Variants in NTM observed in about 807,000 individuals in gnomAD.
NTM encodes neurotrimin.
NTM carries 13 observed loss-of-function variants against 42.1 expected under a neutral mutation model. That is an observed-to-expected ratio of 0.31 (90% CI 0.20 to 0.49). NTM has a LOEUF of 0.49. Ranked by LOEUF, NTM falls within the 20% of genes least tolerant of loss-of-function variation. The pLI, the probability that NTM is intolerant of heterozygous loss-of-function variation, is 0.99. For missense variants in NTM, 373 were observed against 452.8 expected (o/e 0.82, Z 1.60); for synonymous variants, 187 against 179.2 (o/e 1.04, Z -0.35).
intron 2 of NTM, among the ~76,000 whole-genome samples, chr11:132,090,052 A>G (rs1320316297): frequency 1.3e-5 from 2 of 152,160 alleles, no homozygotes; most frequent in Non-Finnish European, 2.9e-5. Context: ...TCCTCACAAT[A>G]TCCTTGGAGG....
chr11:132,327,148 A>G (rs542989336), intron 7 of NTM, among the ~76,000 whole-genome samples: 3 of 152,326 alleles, frequency 2.0e-5, no homozygotes, highest in Non-Finnish European at 2.9e-5. Flanking sequence ...TAAGGACTCA[A>G]GGATGTTCCA....
intron 3 of NTM, among the ~76,000 whole-genome samples, chr11:132,158,516 C>T (rs2073666150): frequency 6.6e-6 from 1 of 152,156 alleles, no homozygotes; most frequent in Admixed American, 6.5e-5. Context: ...TGTTTCAACC[C>T]CTCTAGAACA....
intron 1 of NTM, among the ~76,000 whole-genome samples, chr11:131,500,904 C>T (rs1205273101): frequency 1.4e-5 from 2 of 145,218 alleles, no homozygotes; most frequent in Admixed American, 1.5e-4. Context: ...CATGTCTCTA[C>T]AAAGGACATG....
At chr11:132,082,334 C>T (rs2059180058) in intron 2 of NTM, among the ~76,000 whole-genome samples, 1 of 152,082 alleles carries the variant, frequency 6.6e-6, no homozygotes, top group Non-Finnish European at 1.5e-5. Flanking sequence ...CAGGTTTCCC[C>T]CTCACAAATT....
chr11:131,878,595 ATATATATAT>A lies in NTM; in HGVS notation c.83-32968_83-32960del, dbSNP rs1432870044. ...AAAAAAAAAAAAAAAAAAAAAAAAA[ATATATATAT>A]ATATATATATATATATATATATATA... On this transcript the variant is annotated intron_variant, in intron 1 of 8. Coordinates refer to ENST00000683400, the MANE Select transcript of NTM (RefSeq NM_001352005.2). 7.2e-4 allele frequency among the ~76,000 whole-genome samples: 8 copies of A among 11,150 alleles called. 1 individual carries two copies. Among genetic ancestry groups the A allele is most frequent in the African/African-American group, 2.0e-3 (8 of 3,984 alleles). The allele number at this position is 11,150 out of a possible 152,430, so 7.3% of individuals were successfully genotyped here. A position where few individuals can be genotyped will look rare whatever the true frequency, so the allele number is the denominator to read the frequency against.
intron 1 of NTM, among the ~76,000 whole-genome samples, chr11:131,601,026 T>G (rs1247390172): frequency 6.6e-6 from 1 of 152,220 alleles, no homozygotes; most frequent in Non-Finnish European, 1.5e-5. Flanking sequence ...AGCTGGATTC[T>G]GAATAGATTC....
chr11:132,000,031 T>A (rs1397921869), intron 2 of NTM, among the ~76,000 whole-genome samples: 1 of 152,142 alleles, frequency 6.6e-6, no homozygotes, highest in African/African-American at 2.4e-5. Flanking sequence ...AAATCTCTCA[T>A]AAGACATCAA....
chr11:132,311,242 G>C (rs561086081), intron 6 of NTM, among the ~76,000 whole-genome samples: 8 of 152,288 alleles, frequency 5.3e-5, no homozygotes, highest in African/African-American at 1.9e-4. Flanking sequence ...GCTCTTTCTA[G>C]TCTCTAGATC....
At chr11:131,709,188 G>C (rs1437650093) in intron 1 of NTM, among the ~76,000 whole-genome samples, 1 of 152,118 alleles carries the variant, frequency 6.6e-6, no homozygotes, top group African/African-American at 2.4e-5. Flanking sequence ...GGGAGGAGGG[G>C]AAGAGAGGTA....
chr11:132,170,017 G>T (rs1187366052), intron 3 of NTM, among the ~76,000 whole-genome samples: 1 of 152,212 alleles, frequency 6.6e-6, no homozygotes, highest in Non-Finnish European at 1.5e-5. Context: ...ACTCTGGGAT[G>T]GAGAGGGAAC....
intron 1 of NTM, among the ~76,000 whole-genome samples, chr11:131,596,187 T>C (rs2059796515): frequency 6.6e-6 from 1 of 152,218 alleles, no homozygotes. Flanking sequence ...CATTCCCCCT[T>C]GATGATAGGA....
At chr11:131,793,875 T>A (rs1308419702) in intron 1 of NTM, among the ~76,000 whole-genome samples, 1 of 152,152 alleles carries the variant, frequency 6.6e-6, no homozygotes, top group Non-Finnish European at 1.5e-5. Flanking sequence ...CTGCTTCAGG[T>A]CATTTCTATA....
chr11:131,910,839 G>C, intron 1 of NTM: 3 of 984,964 alleles, frequency 3.0e-6, no homozygotes, highest in Non-Finnish European at 3.6e-6. Context: ...GCGCATTTGG[G>C]CTCCGAGGAA....
intron 1 of NTM, among the ~76,000 whole-genome samples, chr11:131,708,391 G>A (rs911866746): frequency 2.0e-5 from 3 of 152,136 alleles, no homozygotes; most frequent in Non-Finnish European, 4.4e-5. Context: ...AATTGGTCAA[G>A]GTTAGAAAAA....
At chr11:131,606,071 T>A (rs1321951331) in intron 1 of NTM, 1 of 172,754 alleles carries the variant, frequency 5.8e-6, no homozygotes, top group East Asian at 1.9e-4. Context: ...TGAGATAGGG[T>A]CTGTCTCTGT....
chr11:132,329,183 C>A (rs1294343797), intron 7 of NTM, among the ~76,000 whole-genome samples: 1 of 152,150 alleles, frequency 6.6e-6, no homozygotes, highest in African/African-American at 2.4e-5. Flanking sequence ...ATGCGAGGAC[C>A]TTTGCACAGA....
At chr11:131,913,161 TTAAA>T (rs757693755) in intron 2 of NTM, among the ~76,000 whole-genome samples, 9 of 152,186 alleles carry the variant, frequency 5.9e-5, no homozygotes, top group African/African-American at 1.2e-4. Context: ...TTCAGACTAC[TTAAA>T]TAAAAAACCA....
intron 2 of NTM, among the ~76,000 whole-genome samples, chr11:132,004,667 A>G (rs1227738881): frequency 6.6e-6 from 1 of 151,648 alleles, no homozygotes. Context: ...ACACACACAC[A>G]CACATAGACA....
intron 1 of NTM, among the ~76,000 whole-genome samples, chr11:131,664,764 T>G (rs2068721901): frequency 6.6e-6 from 1 of 150,958 alleles, no homozygotes; most frequent in African/African-American, 2.4e-5. Flanking sequence ...TTTTTTTTTT[T>G]TTTTTTTTTT....
Sources: allele counts gnomAD v4.1 joint callset (sites outside exome capture counted in the v4.1 genomes callset), GRCh38; gene constraint gnomAD v4.1.1; transcripts MANE v1.5; gene names NCBI Gene and HGNC (gene_info 2026-07-23, HGNC 2026-07-21).